ADAMDEC1: variants seen among roughly 807,000 people sequenced by gnomAD.
ADAMDEC1 encodes the protein ADAM DEC1.
A neutral mutation model predicts 60.4 loss-of-function variants in ADAMDEC1; 62 were observed. The ratio of observed to expected loss-of-function variants is 1.03; its 90% CI spans 0.84 to 1.27. ADAMDEC1 has a LOEUF of 1.27. Ranked by LOEUF, ADAMDEC1 falls within the 50% of genes most tolerant of loss-of-function variation. The probability of loss-of-function intolerance (pLI) is 0.00; values close to 1 mark genes in which losing one functional copy is unlikely to be tolerated. For synonymous variants in ADAMDEC1, 210 were observed against 195.1 expected, an observed-to-expected ratio of 1.08 and a Z score of -0.64; for missense variants, 595 against 565.0, an observed-to-expected ratio of 1.05 and a Z score of -0.54.
chr8:24,399,826 G>A (rs1817715584), intron 10 of ADAMDEC1, among the ~76,000 whole-genome samples: 1 of 152,156 alleles, frequency 6.6e-6, no homozygotes, highest in Admixed American at 6.5e-5. Context: ...GTGCATGCAG[G>A]TGTCATATGG....
intron 9 of ADAMDEC1, 105 bp from the exon 10 acceptor site, chr8:24,399,288 T>C (rs1406474491): frequency 4.8e-6 from 6 of 1,244,550 alleles, no homozygotes; most frequent in Non-Finnish European, 5.9e-6. Flanking sequence ...GCCTAGTGAA[T>C]ATAAAAAGGC....
intron 12 of ADAMDEC1, among the ~76,000 whole-genome samples, chr8:24,403,364 T>A (rs1259191432): frequency 6.6e-6 from 1 of 151,952 alleles, no homozygotes; most frequent in Non-Finnish European, 1.5e-5. Flanking sequence ...AGTTAGGGTT[T>A]TTTTTTTAGA....
intron 5 of ADAMDEC1, 45 bp from the exon 6 acceptor site, chr8:24,397,225 A>T (rs1817636030): frequency 6.4e-7 from 1 of 1,558,704 alleles, no homozygotes. Context: ...CAAATATGAC[A>T]CTGTGTGTCA....
intron 2 of ADAMDEC1, 34 bp from the exon 3 acceptor site, chr8:24,393,228 A>G (rs371911827): frequency 7.4e-7 from 1 of 1,344,404 alleles, no homozygotes; most frequent in Non-Finnish European, 1.0e-6. Flanking sequence ...ATGCTCAGAA[A>G]TATAAATTGC....
In ADAMDEC1 at chr8:24,401,954, A is replaced by G. The variant is rs745782209; in HGVS notation, c.1182A>G (p.Ala394=). 63 of 1,612,678 alleles carry G rather than the reference A, an allele frequency of 3.9e-5. No homozygotes were observed. The South Asian group carries it at 6.6e-4, about 17-fold the overall frequency. Residue 394 remains alanine (A), a synonymous_variant, in exon 12 of 14, where the codon GCA becomes GCG. Transcript: ENST00000256412. The part of the protein sequence containing the change: ...FPKDFSTSCR[A]HFERYLLSQK... Reference sequence around the variant, plus strand: ...AGGATTTCAGTACATCTTGCCGTGCACATTTTGAAAGATACCTTTTATCTC... The same window carrying G: ...AGGATTTCAGTACATCTTGCCGTGCGCATTTTGAAAGATACCTTTTATCTC...
intron 1 of ADAMDEC1, among the ~76,000 whole-genome samples, chr8:24,391,678 G>A (rs1817448658): frequency 6.6e-6 from 1 of 152,060 alleles, no homozygotes; most frequent in Admixed American, 6.6e-5. Flanking sequence ...AAAGTCTTGG[G>A]GGAAAATGCT....
At chr8:24,389,863 G>A (rs1817392938) in intron 1 of ADAMDEC1, among the ~76,000 whole-genome samples, 2 of 152,050 alleles carry the variant, frequency 1.3e-5, no homozygotes, top group East Asian at 1.9e-4. Context: ...TGAAGTCTTG[G>A]CTTAAAAGTG....
At chr8:24,384,849 A>G (rs772757755) in intron 1 of ADAMDEC1, among the ~76,000 whole-genome samples, 32 of 152,154 alleles carry the variant, frequency 2.1e-4, no homozygotes, top group Non-Finnish European at 3.1e-4. Flanking sequence ...ATTGTTATAT[A>G]TTTTAACAAA....
At chr8:24,401,893 T>G in intron 11 of ADAMDEC1, 22 bp from the exon 12 acceptor site, 1 of 1,583,600 alleles carries the variant, frequency 6.3e-7, no homozygotes. Flanking sequence ...ATCATATTAT[T>G]TGAGTTTTCT....
intron 3 of ADAMDEC1, 148 bp downstream of exon 3, chr8:24,393,486 GA>G: frequency 2.1e-6 from 1 of 469,290 alleles, no homozygotes. Flanking sequence ...TAAAAAGGCT[GA>G]TTTCCTAGGA....
chr8:24,397,551 G>A lies in ADAMDEC1; in HGVS notation c.627+95G>A, dbSNP rs191656126. ...TCTTAGAAATGAGTAGTATGTGTAT[G>A]TGTCAAGCCTATAATTTATTTACTT... On this transcript the variant is annotated intron_variant, in intron 6 of 13. Transcript: ENST00000256412. 540 of 1,483,482 alleles carry A rather than the reference G, an allele frequency of 3.6e-4. 1 individual carries two copies. The African/African-American group carries it at 6.4e-3, about 18-fold the overall frequency. 91.9% of individuals were successfully genotyped at this position (1,483,482 alleles called of 1,614,324 possible).
chr8:24,399,842 A>T (rs990761088), intron 10 of ADAMDEC1, among the ~76,000 whole-genome samples: 1 of 152,154 alleles, frequency 6.6e-6, no homozygotes, highest in Non-Finnish European at 1.5e-5. Context: ...TATGGCCAAG[A>T]ACTCCAGTGT....
chr8:24,405,274 T>C lies in ADAMDEC1; in HGVS notation c.1407-18T>C. ...TGTAATAACCCTGGCTTCCAAATTT[T>C]ATTTTTCCTTCAATCAGAGAGTGAA... On this transcript the variant is annotated intron_variant, in intron 13 of 13. Transcript: ENST00000256412. 6.2e-7 allele frequency: 1 copy of C among 1,611,768 alleles called. No individual in the cohort carries two copies. The highest frequency in any genetic ancestry group is 8.5e-7 in the Non-Finnish European group (1 of 1,178,644).
At position 24,400,261 on chromosome 8, in the gene ADAMDEC1, A is replaced by G; in HGVS notation, c.1103A>G (p.Lys368Arg). The change falls in exon 11 of 14, where the codon AAG becomes AGG. Residue 368 changes from lysine (K) to arginine (R), a missense_variant. Physicochemically the swap from Lys to Arg is conservative, Grantham distance 26. Coordinates refer to ENST00000256412, the MANE Select transcript of ADAMDEC1 (RefSeq NM_014479.3). ...ATGCCTGATGTTCCATTCAACACCA[A>G]GTGTCCCTCTGGCAGTTGTGTGATG... ...LGMPDVPFNT[K>R]CPSGSCVMNQ... 1.2e-6 allele frequency: 2 copies of G among 1,611,818 alleles called. No homozygotes were observed. Among genetic ancestry groups the G allele is most frequent in the South Asian group, 1.1e-5 (1 of 90,742 alleles).
intron 2 of ADAMDEC1, 72 bp downstream of exon 2, chr8:24,392,452 A>G (rs1817470155): frequency 9.0e-7 from 1 of 1,109,012 alleles, no homozygotes; most frequent in South Asian, 1.5e-5. Flanking sequence ...TTTCACTAAC[A>G]GAAGTGATGT....
intron 13 of ADAMDEC1, among the ~76,000 whole-genome samples, chr8:24,404,937 A>G (rs1817853080): frequency 6.6e-6 from 1 of 152,168 alleles, no homozygotes; most frequent in African/African-American, 2.4e-5. Context: ...TGCCCAGGCC[A>G]GAAACATAGC....
At chr8:24,399,242 G>A in intron 9 of ADAMDEC1, 151 bp from the exon 10 acceptor site, 2 of 984,062 alleles carry the variant, frequency 2.0e-6, no homozygotes, top group Non-Finnish European at 3.1e-6. Context: ...AACCATCTGT[G>A]GTCATAACAC....
At chr8:24,397,555 C>A in intron 6 of ADAMDEC1, 99 bp downstream of exon 6, 2 of 1,481,272 alleles carry the variant, frequency 1.4e-6, no homozygotes, top group Non-Finnish European at 1.8e-6. Flanking sequence ...GTGTATGTGT[C>A]AAGCCTATAA....
chr8:24,402,551 A>C (rs1372283904), intron 12 of ADAMDEC1, among the ~76,000 whole-genome samples: 1 of 152,168 alleles, frequency 6.6e-6, no homozygotes, highest in African/African-American at 2.4e-5. Context: ...TGTAGAAAAT[A>C]GGCTATTAAC....
Sources: allele counts gnomAD v4.1 joint callset (sites outside exome capture counted in the v4.1 genomes callset), GRCh38; gene constraint gnomAD v4.1.1; transcripts MANE v1.5; gene names NCBI Gene and HGNC (gene_info 2026-07-23, HGNC 2026-07-21).